The following HAO1 variants were observed in gnomAD, a reference collection of about 807,000 sequenced individuals.
The protein encoded by HAO1 is hydroxyacid oxidase 1.
A neutral mutation model predicts 39.7 loss-of-function variants in HAO1; 34 were observed. The ratio of observed to expected loss-of-function variants is 0.86; its 90% CI spans 0.65 to 1.14. The LOEUF (loss-of-function observed/expected upper bound fraction) is 1.14. HAO1 is among the 50% of genes most tolerant of loss of function. The probability of loss-of-function intolerance (pLI) is 0.00; values close to 1 mark genes in which losing one functional copy is unlikely to be tolerated. For missense variants in HAO1, 479 were observed against 464.5 expected (o/e 1.03, Z -0.29); for synonymous variants, 172 against 173.2 (o/e 0.99, Z 0.05).
chr20:7,936,997 T>C (rs959659956), intron 1 of HAO1, among the ~76,000 whole-genome samples: 3 of 152,080 alleles, frequency 2.0e-5, no homozygotes, highest in African/African-American at 4.8e-5. Flanking sequence ...GCCTCCACTT[T>C]GGAAAAAGAA....
chr20:7,929,566 G>A (rs112599930), intron 2 of HAO1, among the ~76,000 whole-genome samples: 2 of 152,114 alleles, frequency 1.3e-5, no homozygotes, highest in African/African-American at 4.8e-5. Context: ...ATGCAGCAGT[G>A]TAAAAAAGTA....
At chr20:7,910,110 A>G (rs1252824342) in intron 3 of HAO1, among the ~76,000 whole-genome samples, 1 of 152,220 alleles carries the variant, frequency 6.6e-6, no homozygotes, top group African/African-American at 2.4e-5. Flanking sequence ...AGCATCTACT[A>G]CATGCCAGTG....
intron 3 of HAO1, 109 bp downstream of exon 3, chr20:7,914,055 G>T: frequency 8.5e-7 from 1 of 1,177,110 alleles, no homozygotes. Context: ...GTGATTAGCT[G>T]AAGATTAACT....
intron 2 of HAO1, among the ~76,000 whole-genome samples, chr20:7,926,722 G>A (rs2050360755): frequency 6.6e-6 from 1 of 152,156 alleles, no homozygotes; most frequent in Non-Finnish European, 1.5e-5. Context: ...TCAAGTCATA[G>A]CTGAGTCCCA....
chr20:7,932,678 T>C (rs2122798527), intron 2 of HAO1, among the ~76,000 whole-genome samples: 1 of 152,302 alleles, frequency 6.6e-6, no homozygotes. Flanking sequence ...CTTCCTATAG[T>C]ATAATTTTTA....
At chr20:7,933,215 T>C (rs906171811) in intron 2 of HAO1, among the ~76,000 whole-genome samples, 1 of 152,154 alleles carries the variant, frequency 6.6e-6, no homozygotes, top group Non-Finnish European at 1.5e-5. Flanking sequence ...TATAAGGGCT[T>C]TTTACGTGGA....
chr20:7,933,002 C>T (rs989297178), intron 2 of HAO1, among the ~76,000 whole-genome samples: 1 of 152,030 alleles, frequency 6.6e-6, no homozygotes, highest in Admixed American at 6.5e-5. Flanking sequence ...AATCATACTG[C>T]CTGATCTTAA....
intron 2 of HAO1, among the ~76,000 whole-genome samples, chr20:7,934,047 C>T (rs914815872): frequency 1.3e-5 from 2 of 152,120 alleles, no homozygotes; most frequent in African/African-American, 4.8e-5. Context: ...GATAAGGTAG[C>T]CACAGGGCTG....
At chr20:7,908,409 AT>A (rs2050259492) in intron 3 of HAO1, among the ~76,000 whole-genome samples, 1 of 150,022 alleles carries the variant, frequency 6.7e-6, no homozygotes, top group African/African-American at 2.5e-5. Context: ...AAAAAAAAAA[AT>A]TATATATTAT....
At chr20:7,886,064 A>C (rs1341249097) in intron 5 of HAO1, among the ~76,000 whole-genome samples, 200 bp from the exon 6 acceptor site, 4 of 152,184 alleles carry the variant, frequency 2.6e-5, no homozygotes, top group African/African-American at 9.6e-5. Flanking sequence ...TAAATTTGGA[A>C]ATGAGCAGCT....
At chr20:7,894,992 C>A in intron 5 of HAO1, 141 bp downstream of exon 5, 1 of 631,376 alleles carries the variant, frequency 1.6e-6, no homozygotes, top group Non-Finnish European at 2.8e-6. Context: ...AACTTAAAAT[C>A]CAAGATCTCA....
intron 3 of HAO1, among the ~76,000 whole-genome samples, chr20:7,913,170 G>GTTTTTTTT (rs11438122): frequency 2.2e-5 from 3 of 134,296 alleles, no homozygotes; most frequent in East Asian, 2.1e-4. Flanking sequence ...CTAGTTTTTT[G>GTTTTTTTT]TTTTTTTTTT....
intron 4 of HAO1, among the ~76,000 whole-genome samples, chr20:7,897,338 T>C (rs2050202246): frequency 6.6e-6 from 1 of 152,366 alleles, no homozygotes; most frequent in East Asian, 1.9e-4. Context: ...TCGGAAATTG[T>C]TGGTCTTTAA....
At chr20:7,936,006 GA>G (rs888261243) in intron 1 of HAO1, among the ~76,000 whole-genome samples, 6 of 150,220 alleles carry the variant, frequency 4.0e-5, no homozygotes, top group Admixed American at 3.3e-4. Context: ...GTAACTTAAA[GA>G]AAAAAAAAGA....
At chr20:7,899,797 A>C (rs578175329) in intron 4 of HAO1, among the ~76,000 whole-genome samples, 7 of 152,318 alleles carry the variant, frequency 4.6e-5, no homozygotes, top group South Asian at 2.1e-4. Context: ...CCCACTTAGC[A>C]AAATGTTCAT....
intron 4 of HAO1, among the ~76,000 whole-genome samples, chr20:7,898,033 A>G (rs1206642553): frequency 6.6e-6 from 1 of 152,116 alleles, no homozygotes; most frequent in Non-Finnish European, 1.5e-5. Flanking sequence ...CATATTGGAA[A>G]TGCCACCCAC....
At chr20:7,939,983 A>G (rs577287731) in intron 1 of HAO1, among the ~76,000 whole-genome samples, 15 of 152,226 alleles carry the variant, frequency 9.9e-5, no homozygotes, top group Non-Finnish European at 1.8e-4. Flanking sequence ...ATACTAAGAA[A>G]AAGAAAAGTC....
At chr20:7,927,331 A>G (rs11907197) in intron 2 of HAO1, among the ~76,000 whole-genome samples, 3,500 of 152,284 alleles carry the variant, frequency 0.023, 102 homozygotes, top group African/African-American at 0.072. Context: ...TTAAATATTC[A>G]TAGAAATAAT....
At chr20:7,918,340 T>A (rs1247585303) in intron 2 of HAO1, among the ~76,000 whole-genome samples, 1 of 152,220 alleles carries the variant, frequency 6.6e-6, no homozygotes, top group Non-Finnish European at 1.5e-5. Context: ...TGGGAATTTA[T>A]ATGAACCATT....
Sources: allele counts gnomAD v4.1 joint callset (sites outside exome capture counted in the v4.1 genomes callset), GRCh38; gene constraint gnomAD v4.1.1; transcripts MANE v1.5; gene names NCBI Gene and HGNC (gene_info 2026-07-23, HGNC 2026-07-21).